The following KLHL25 variants were observed in gnomAD, a reference collection of about 807,000 sequenced individuals.
KLHL25 encodes kelch-like protein 25.
KLHL25 carries 41 observed loss-of-function variants against 30.0 expected under a neutral mutation model. That is an observed-to-expected ratio of 1.37 (90% CI 1.07 to 1.78). The LOEUF is 1.78. KLHL25 is among the 40% of genes most tolerant of loss of function. The pLI is 0.00. For synonymous variants in KLHL25, 399 were observed against 355.3 expected (o/e 1.12, Z -1.38); for missense variants, 971 against 824.5 (o/e 1.18, Z -2.18).
chr15:85,781,565 C>A (rs2089743299), intron 1 of KLHL25, among the ~76,000 whole-genome samples: 1 of 152,112 alleles, frequency 6.6e-6, no homozygotes, highest in Non-Finnish European at 1.5e-5. Context: ...CTCACTGCAA[C>A]CTCCACCTCC....
intron 1 of KLHL25, among the ~76,000 whole-genome samples, chr15:85,784,482 C>A (rs576828333): frequency 1.3e-5 from 2 of 151,898 alleles, no homozygotes; most frequent in Admixed American, 6.6e-5. Context: ...AGTGAGCTGA[C>A]GTTGCTCTAC....
intron 2 of KLHL25, among the ~76,000 whole-genome samples, chr15:85,766,034 C>T (rs1429669262): frequency 6.6e-6 from 1 of 152,154 alleles, no homozygotes; most frequent in Non-Finnish European, 1.5e-5. Context: ...CATCAGCTTC[C>T]ATTGAGAAGC....
chr15:85,766,131 T>C (rs561594368), intron 2 of KLHL25, among the ~76,000 whole-genome samples: 5 of 152,318 alleles, frequency 3.3e-5, no homozygotes, highest in Non-Finnish European at 7.4e-5. Context: ...AAATTAATGT[T>C]TAGCTCGGGC....
chr15:85,785,964 A>T (rs940118131), intron 1 of KLHL25, among the ~76,000 whole-genome samples: 2 of 117,842 alleles, frequency 1.7e-5, no homozygotes, highest in East Asian at 5.1e-4. Context: ...CAGCCGACCC[A>T]CCCCCCCGCC....
intron 1 of KLHL25, among the ~76,000 whole-genome samples, chr15:85,781,186 A>G (rs2089740429): frequency 6.6e-6 from 1 of 152,212 alleles, no homozygotes; most frequent in Admixed American, 6.5e-5. Flanking sequence ...CCAGCTACTC[A>G]GGAGCCCGTA....
At chr15:85,767,480 A>C (rs2151805733) in intron 2 of KLHL25, among the ~76,000 whole-genome samples, 1 of 152,318 alleles carries the variant, frequency 6.6e-6, no homozygotes, top group East Asian at 1.9e-4. Context: ...GGAGGGGGCC[A>C]TTCTCCTGGA....
chr15:85,764,833 T>G (rs757563443), intron 2 of KLHL25, among the ~76,000 whole-genome samples: 1 of 152,250 alleles, frequency 6.6e-6, no homozygotes, highest in Non-Finnish European at 1.5e-5. Context: ...TCTAGTGCTA[T>G]GAGTAATACA....
intron 1 of KLHL25, among the ~76,000 whole-genome samples, chr15:85,781,057 C>T (rs1002672358): frequency 1.1e-4 from 16 of 152,278 alleles, no homozygotes; most frequent in East Asian, 7.7e-4. Context: ...AGGGGCCGGG[C>T]GCAGTGGCTC....
rs2089638281 is a variant in KLHL25, at chr15:85,768,292, AGGC to A, written c.1516_1518del (p.Ala506del). Reference sequence around the variant, plus strand: ...GTCTCACAGTCAAAGCGGTAGGCCGAGGCGGCTGTGAATTCCGTGTCACCTCCC... The same window carrying A: ...GTCTCACAGTCAAAGCGGTAGGCCGAGGCTGTGAATTCCGTGTCACCTCCC... On this transcript the variant is annotated inframe_deletion, in exon 2 of 3. Transcript: ENST00000337975. 1.9e-6 allele frequency: 3 copies of A among 1,614,028 alleles called. No individual in the cohort carries two copies. The East Asian group carries it at 6.7e-5, about 36-fold the overall frequency.
At chr15:85,792,322 C>T (rs1406807586) in intron 1 of KLHL25, among the ~76,000 whole-genome samples, 2 of 152,208 alleles carry the variant, frequency 1.3e-5, no homozygotes, top group African/African-American at 4.8e-5. Flanking sequence ...GCTTCAACAG[C>T]CTTGGCTGGC....
In KLHL25 at chr15:85,769,586, G is replaced by A; in HGVS notation, c.225C>T (p.Phe75=). ...AASSRYFEAM[F]SHGLRESRDD... is the part of the protein sequence containing the mutation. ...CCCGGCTCTCCCGAAGGCCATGGCTGAACATGGCCTCAAAATAGCGGCTAG... is the reference window on the plus strand; with the variant it reads ...CCCGGCTCTCCCGAAGGCCATGGCTAAACATGGCCTCAAAATAGCGGCTAG... Residue 75 remains phenylalanine (F), a synonymous_variant, in exon 2 of 3, where the codon TTC becomes TTT. Coordinates refer to ENST00000337975, the MANE Select transcript of KLHL25 (RefSeq NM_022480.4). 6.2e-7 allele frequency: 1 copy of A among 1,613,756 alleles called. No individual in the cohort carries two copies. Among genetic ancestry groups the A allele is most frequent in the Non-Finnish European group, 8.5e-7 (1 of 1,180,014 alleles).
chr15:85,785,200 T>C (rs941227658), intron 1 of KLHL25, among the ~76,000 whole-genome samples: 3 of 151,840 alleles, frequency 2.0e-5, no homozygotes, highest in African/African-American at 7.3e-5. Context: ...TTCACACCAT[T>C]CTCCTGCCTC....
At chr15:85,775,224 C>T (rs982384005) in intron 1 of KLHL25, among the ~76,000 whole-genome samples, 1 of 152,182 alleles carries the variant, frequency 6.6e-6, no homozygotes, top group Non-Finnish European at 1.5e-5. Context: ...GTACCAGTCT[C>T]TGGGTTAGCA....
At chr15:85,793,847 G>A (rs1001601489) in intron 1 of KLHL25, among the ~76,000 whole-genome samples, 17 of 152,164 alleles carry the variant, frequency 1.1e-4, no homozygotes, top group African/African-American at 3.9e-4. Context: ...ACCCAAGAGC[G>A]TCCAGATTAA....
In KLHL25 at chr15:85,768,087, A is replaced by G; in HGVS notation, c.1724T>C (p.Leu575Pro). 6.2e-7 allele frequency: 1 copy of G among 1,614,076 alleles called. No homozygotes were observed. Among genetic ancestry groups the G allele is most frequent in the Non-Finnish European group, 8.5e-7 (1 of 1,179,960 alleles). Residue 575 changes from leucine (L) to proline (P), a missense_variant, in exon 2 of 3, where the codon CTT (leucine) becomes CCT (proline). Physicochemically the swap from Leu to Pro is moderately conservative, Grantham distance 98. Transcript: ENST00000337975. ...GGTGCTGACAAAGGCCGTGGGGATA[A>G]GTGAGTAGGGCACTGTGGTGATGCA... ...WNCITTVPYS[L>P]IPTAFVSTWK...
At chr15:85,775,324 G>C (rs1353514584) in intron 1 of KLHL25, among the ~76,000 whole-genome samples, 2 of 152,200 alleles carry the variant, frequency 1.3e-5, no homozygotes, top group Admixed American at 6.5e-5. Context: ...AAGACTTAGA[G>C]AGGAAAATGC....
intron 1 of KLHL25, among the ~76,000 whole-genome samples, chr15:85,783,597 C>T (rs1380771519): frequency 6.6e-6 from 1 of 151,406 alleles, no homozygotes; most frequent in Admixed American, 6.6e-5. Context: ...GAGGCTGAGA[C>T]AGGACTATCG....
rs11419946 is a variant in KLHL25 at position 85,785,094 on chromosome 15, CTTTTTTT to C, written c.-11+9665_-11+9671del. Among the ~76,000 whole-genome samples, 8 of 142,306 alleles carry C rather than the reference CTTTTTTT, an allele frequency of 5.6e-5. 1 individual carries two copies. The East Asian group carries it at 1.0e-3, about 18-fold the overall frequency. 93.4% of individuals were successfully genotyped at this position (142,306 alleles called of 152,430 possible). The stretch of plus-strand genomic sequence containing the variant: ...GCAGAGACTGATGTATTTCTTTTTT[CTTTTTTT>C]TTTTTTTTCTGAGACAGTGTCTCTC... On this transcript the variant is annotated intron_variant, in intron 1 of 2. Coordinates refer to ENST00000337975, the MANE Select transcript of KLHL25 (RefSeq NM_022480.4).
intron 1 of KLHL25, among the ~76,000 whole-genome samples, chr15:85,778,588 G>C (rs948381710): frequency 1.3e-5 from 2 of 152,190 alleles, no homozygotes; most frequent in African/African-American, 2.4e-5. Context: ...GCAAGGAGTG[G>C]GGGCAGAGCC....
Sources: gnomAD v4.1 joint callset for allele counts (sites outside exome capture counted in the v4.1 genomes callset) on GRCh38, gnomAD v4.1.1 for gene constraint, MANE v1.5 for transcripts, NCBI Gene and HGNC (gene_info 2026-07-23, HGNC 2026-07-21) for gene names.